Variants in MCTP1 observed in about 807,000 individuals in gnomAD.
MCTP1 encodes multiple C2 and transmembrane domain-containing protein 1.
MCTP1 carries 69 observed loss-of-function variants against 120.6 expected under a neutral mutation model. The observed-to-expected ratio is 0.57, with a 90% confidence interval of 0.47 to 0.70. MCTP1 has a LOEUF of 0.70. MCTP1 is among the 30% of genes least tolerant of loss of function. MCTP1 has a pLI of 0.00. For missense variants in MCTP1, 1,203 were observed against 1,248.8 expected (o/e 0.96, Z 0.55); for synonymous variants, 529 against 493.1 (o/e 1.07, Z -0.96).
At chr5:95,115,100 C>T (rs1364389389) in intron 1 of MCTP1, among the ~76,000 whole-genome samples, 1 of 152,098 alleles carries the variant, frequency 6.6e-6, no homozygotes, top group Non-Finnish European at 1.5e-5. Flanking sequence ...GTAAATATGG[C>T]TTAGGTAACA....
At chr5:95,237,301 T>C (rs1755654577) in intron 1 of MCTP1, among the ~76,000 whole-genome samples, 1 of 152,140 alleles carries the variant, frequency 6.6e-6, no homozygotes, top group Non-Finnish European at 1.5e-5. Flanking sequence ...CCCAGAAACA[T>C]CCAGGAGAGT....
At chr5:94,920,506 G>A (rs1300002111) in intron 7 of MCTP1, among the ~76,000 whole-genome samples, 2 of 152,030 alleles carry the variant, frequency 1.3e-5, no homozygotes, top group African/African-American at 2.4e-5. Flanking sequence ...ACTTTGGGAG[G>A]CCGAGGCGGG....
chr5:94,942,268 C>T, intron 4 of MCTP1, 80 bp downstream of exon 4: 2 of 1,052,374 alleles, frequency 1.9e-6, no homozygotes, highest in Non-Finnish European at 2.9e-6. Flanking sequence ...AGAACTAGAC[C>T]CCAGATCAGC....
At chr5:94,948,926 A>G (rs1228742791) in intron 3 of MCTP1, among the ~76,000 whole-genome samples, 1 of 152,140 alleles carries the variant, frequency 6.6e-6, no homozygotes, top group Non-Finnish European at 1.5e-5. Context: ...TATGGTCCTT[A>G]ACTTAAACAG....
At chr5:94,983,087 G>A (rs74795386) in intron 2 of MCTP1, among the ~76,000 whole-genome samples, 183 of 152,056 alleles carry the variant, frequency 1.2e-3, no homozygotes, top group African/African-American at 4.2e-3. Context: ...CCCCTAGAAG[G>A]TGAAAGCAAC....
intron 1 of MCTP1, among the ~76,000 whole-genome samples, chr5:95,247,565 G>A (rs1756941167): frequency 6.6e-6 from 1 of 151,896 alleles, no homozygotes; most frequent in Non-Finnish European, 1.5e-5. Context: ...GCTTTAAATG[G>A]GTCCCAGAGA....
At chr5:94,892,015 C>T (rs1359726421) in intron 11 of MCTP1, among the ~76,000 whole-genome samples, 1 of 151,870 alleles carries the variant, frequency 6.6e-6, no homozygotes, top group African/African-American at 2.4e-5. Context: ...TAATGAAAGG[C>T]TGTATAATAT....
chr5:95,284,552 C>A lies in MCTP1; in HGVS notation c.24G>T (p.Ala8=). 1 of 1,453,428 alleles carries A rather than the reference C, an allele frequency of 6.9e-7. No homozygotes were observed. Among genetic ancestry groups the A allele is most frequent in the African/African-American group, 1.5e-5 (1 of 67,022 alleles). 90.0% of individuals were successfully genotyped at this position (1,453,428 alleles called of 1,614,324 possible). MEPRAAA[A]GEPEPPAASS... The stretch of plus-strand genomic sequence containing the variant: ...ACGCCGCCGGCGGCTCTGGCTCGCC[C>A]GCCGCGGCAGCCCGGGGCTCCATCC... Residue 8 remains alanine, a synonymous_variant, in exon 1 of 23, where the codon GCG becomes GCT. Coordinates refer to ENST00000515393, the MANE Select transcript of MCTP1 (RefSeq NM_024717.7). This position sits in a 1 kb window ranked among gnomAD's most constrained non-coding sequence, Gnocchi z 5.2.
At chr5:94,987,168 T>C (rs1830569702) in intron 2 of MCTP1, among the ~76,000 whole-genome samples, 1 of 152,206 alleles carries the variant, frequency 6.6e-6, no homozygotes, top group African/African-American at 2.4e-5. Context: ...CTAACTGTGT[T>C]GCATGCTTAC....
intron 1 of MCTP1, among the ~76,000 whole-genome samples, chr5:95,216,717 C>T (rs141167878): frequency 3.9e-5 from 6 of 152,298 alleles, no homozygotes; most frequent in African/African-American, 1.4e-4. Flanking sequence ...AACACACTGT[C>T]ATACGAAGTG....
At chr5:94,734,537 A>G (rs528992693) in intron 19 of MCTP1, among the ~76,000 whole-genome samples, 1 of 152,364 alleles carries the variant, frequency 6.6e-6, no homozygotes, top group Non-Finnish European at 1.5e-5. Context: ...TATATTGAAC[A>G]TATACATTTG....
chr5:95,093,853 T>C (rs1756028130), intron 1 of MCTP1, among the ~76,000 whole-genome samples: 1 of 152,220 alleles, frequency 6.6e-6, no homozygotes, highest in Admixed American at 6.5e-5. Flanking sequence ...TGGCACAGCA[T>C]TTCTCTCATT....
chr5:95,028,996 TA>T (rs1369721278), intron 1 of MCTP1, among the ~76,000 whole-genome samples: 1 of 151,992 alleles, frequency 6.6e-6, no homozygotes, highest in Non-Finnish European at 1.5e-5. Flanking sequence ...CAGTCTCTAC[TA>T]AAAATACAAA....
chr5:95,182,362 G>T (rs1582462930), intron 1 of MCTP1, among the ~76,000 whole-genome samples: 1 of 152,308 alleles, frequency 6.6e-6, no homozygotes, highest in East Asian at 1.9e-4. Context: ...TGCTCACTCT[G>T]TATGGTAGGT....
chr5:95,108,565 C>A (rs1754508001), intron 1 of MCTP1, among the ~76,000 whole-genome samples: 1 of 152,176 alleles, frequency 6.6e-6, no homozygotes, highest in Admixed American at 6.5e-5. Context: ...GTCTTTAGAC[C>A]AATAAGGCAC....
intron 19 of MCTP1, among the ~76,000 whole-genome samples, chr5:94,759,336 C>T (rs532262417): frequency 6.6e-6 from 1 of 152,250 alleles, no homozygotes; most frequent in South Asian, 2.1e-4. Flanking sequence ...CACAACCCCA[C>T]CAGATGCAGA....
At chr5:94,732,327 ATT>A (rs984152507) in intron 19 of MCTP1, among the ~76,000 whole-genome samples, 1 of 147,252 alleles carries the variant, frequency 6.8e-6, no homozygotes, top group African/African-American at 2.5e-5. Flanking sequence ...AGACTTCGTG[ATT>A]TTTTTTTTTC....
At chr5:94,836,764 T>C (rs980263454) in intron 17 of MCTP1, among the ~76,000 whole-genome samples, 3 of 152,220 alleles carry the variant, frequency 2.0e-5, no homozygotes, top group African/African-American at 7.2e-5. Flanking sequence ...TCTTCGCTTT[T>C]CTTAGACAAA....
At chr5:94,827,584 T>C (rs1787463248) in intron 17 of MCTP1, among the ~76,000 whole-genome samples, 1 of 152,160 alleles carries the variant, frequency 6.6e-6, no homozygotes, top group African/African-American at 2.4e-5. Flanking sequence ...GCATTTTCCA[T>C]GTCACCTTCA....
Sources: allele counts gnomAD v4.1 joint callset (sites outside exome capture counted in the v4.1 genomes callset), GRCh38; gene constraint gnomAD v4.1.1; non-coding constraint Gnocchi (gnomAD v3.1); transcripts MANE v1.5; gene names NCBI Gene and HGNC (gene_info 2026-07-23, HGNC 2026-07-21).